Variants in XKR4 observed in about 807,000 individuals in gnomAD.
XKR4 encodes the protein XK related 4.
A neutral mutation model predicts 53.9 loss-of-function variants in XKR4; 12 were observed. The ratio of observed to expected loss-of-function variants is 0.22; its 90% CI spans 0.14 to 0.36. The LOEUF (loss-of-function observed/expected upper bound fraction) is 0.36. Ranked by LOEUF, XKR4 falls within the 10% of genes least tolerant of loss-of-function variation. The pLI is 1.00. For missense variants in XKR4, 799 were observed against 859.5 expected (o/e 0.93, Z 0.88); for synonymous variants, 354 against 362.4 (o/e 0.98, Z 0.26).
chr8:55,118,354 A>G (rs75467986), intron 1 of XKR4, among the ~76,000 whole-genome samples: 3,093 of 152,308 alleles, frequency 0.02, 89 homozygotes, highest in African/African-American at 0.069. Context: ...CTTTGCATAT[A>G]CTAGCAGCAT....
chr8:55,453,689 A>T, intron 2 of XKR4: 1 of 403,650 alleles, frequency 2.5e-6, no homozygotes, highest in East Asian at 6.2e-5. Context: ...CGCCCATCTC[A>T]GGTGGCTGCT....
intron 2 of XKR4, chr8:55,452,412 G>C (rs1805464984): frequency 1.6e-6 from 1 of 627,142 alleles, no homozygotes; most frequent in Admixed American, 2.5e-5. Context: ...GGCGCCCTCA[G>C]CTGGGAGCAG....
intron 2 of XKR4, among the ~76,000 whole-genome samples, chr8:55,488,588 A>T (rs999704257): frequency 6.6e-6 from 1 of 152,230 alleles, no homozygotes; most frequent in Admixed American, 6.5e-5. Flanking sequence ...ATCTGAAAAG[A>T]CTTCATATTG....
chr8:55,524,030 C>T lies in XKR4; in HGVS notation c.1756C>T (p.Arg586Cys), dbSNP rs768398498. 1.1e-5 allele frequency: 18 copies of T among 1,614,040 alleles called. No individual in the cohort carries two copies. Among genetic ancestry groups the T allele is most frequent in the East Asian group, 4.5e-5 (2 of 44,886 alleles). Residue 586 changes from arginine (R) to cysteine (C), a missense_variant, in exon 3 of 3, where the codon CGC becomes TGC. By Grantham distance (180) the Arg-to-Cys change is radical. Coordinates refer to ENST00000327381, the MANE Select transcript of XKR4 (RefSeq NM_052898.2). ...CACTGCCCCATCCACCCCATCATCT[C>T]GCCCACCACGGATTGAAGAATCAGT... ...RPTAPSTPSSRPPRIEESVIK... is the reference protein window; with the variant it reads ...RPTAPSTPSSCPPRIEESVIK...
At chr8:55,427,980 T>C (rs1805041673) in intron 2 of XKR4, among the ~76,000 whole-genome samples, 2 of 152,166 alleles carry the variant, frequency 1.3e-5, no homozygotes, top group African/African-American at 2.4e-5. Context: ...AGATTATCAT[T>C]TGCGTAGTTA....
At chr8:55,198,299 T>C (rs1277701580) in intron 1 of XKR4, among the ~76,000 whole-genome samples, 7 of 152,186 alleles carry the variant, frequency 4.6e-5, no homozygotes, top group African/African-American at 1.4e-4. Context: ...GGGTAACTTG[T>C]AGTGTGACGC....
intron 1 of XKR4, among the ~76,000 whole-genome samples, chr8:55,354,880 A>G (rs1803775654): frequency 6.6e-6 from 1 of 151,886 alleles, no homozygotes; most frequent in African/African-American, 2.4e-5. Flanking sequence ...ACAAAGGATG[A>G]TGGATAGGAC....
intron 1 of XKR4, among the ~76,000 whole-genome samples, chr8:55,163,391 A>G (rs1228589398): frequency 6.6e-6 from 1 of 152,230 alleles, no homozygotes. Flanking sequence ...GTAAATGGCA[A>G]AAGAGGCAGC....
chr8:55,429,892 C>T (rs1289846863), intron 2 of XKR4, among the ~76,000 whole-genome samples: 3 of 152,014 alleles, frequency 2.0e-5, no homozygotes, highest in South Asian at 2.1e-4. Flanking sequence ...ACACATCTGA[C>T]GAATGACTCA....
rs111332094 is a variant in XKR4, at chr8:55,171,985, A to G, written c.806+68691A>G. 2.1e-3 allele frequency among the ~76,000 whole-genome samples: 323 copies of G among 152,216 alleles called. 1 individual carries two copies. Among genetic ancestry groups the G allele is most frequent in the African/African-American group, 7.3e-3 (302 of 41,550 alleles). ...ATTAAAATTCTTCCCTGGCCGAGGC[A>G]GGCAGATCACTTAAGGTCAGGAGTT... On this transcript the variant is annotated intron_variant, in intron 1 of 2. Transcript: ENST00000327381.
chr8:55,302,123 T>C (rs1369869561), intron 1 of XKR4, among the ~76,000 whole-genome samples: 2 of 151,768 alleles, frequency 1.3e-5, no homozygotes, highest in Non-Finnish European at 2.9e-5. Context: ...GTTTTTATGG[T>C]TTTAGGTCTA....
At position 55,527,240 on chromosome 8, in the gene XKR4, T is replaced by C. The variant is rs1301917114; in HGVS notation, c.*3013T>C. On this transcript the variant is annotated 3_prime_UTR_variant, in exon 3 of 3. Coordinates refer to ENST00000327381, the MANE Select transcript of XKR4 (RefSeq NM_052898.2). ...CATTTTTGTATTTATATTTTAATTCTAACATTTCCTTTTCAATCTGCCATT... is the reference window on the plus strand; with the variant it reads ...CATTTTTGTATTTATATTTTAATTCCAACATTTCCTTTTCAATCTGCCATT... 2.6e-4 allele frequency: 40 copies of C among 152,364 alleles called. No homozygotes were observed. Among genetic ancestry groups the C allele is most frequent in the Admixed American group, 2.6e-3 (40 of 15,300 alleles). The allele number at this position is 152,364 out of a possible 1,614,324, so 9.4% of individuals were successfully genotyped here.
chr8:55,439,066 G>T (rs1326376138), intron 2 of XKR4, among the ~76,000 whole-genome samples: 1 of 152,186 alleles, frequency 6.6e-6, no homozygotes, highest in East Asian at 1.9e-4. Context: ...CCTAGACTCT[G>T]AGTACAGAAG....
chr8:55,480,831 C>T (rs1260803773), intron 2 of XKR4, among the ~76,000 whole-genome samples: 2 of 150,518 alleles, frequency 1.3e-5, no homozygotes, highest in East Asian at 1.9e-4. Context: ...CCTAGGAATC[C>T]AACTTACAAG....
At chr8:55,161,911 T>C (rs1230957213) in intron 1 of XKR4, among the ~76,000 whole-genome samples, 1 of 152,238 alleles carries the variant, frequency 6.6e-6, no homozygotes, top group Non-Finnish European at 1.5e-5. Context: ...AACTGGCCTG[T>C]GCATTTTCTG....
intron 1 of XKR4, among the ~76,000 whole-genome samples, chr8:55,207,463 G>A (rs1007229479): frequency 1.1e-4 from 17 of 152,106 alleles, no homozygotes; most frequent in African/African-American, 3.9e-4. Context: ...TGTGTACTGG[G>A]CTTTCTTTTA....
intron 1 of XKR4, among the ~76,000 whole-genome samples, chr8:55,292,304 A>G (rs1389941190): frequency 6.6e-6 from 1 of 152,128 alleles, no homozygotes; most frequent in African/African-American, 2.4e-5. Context: ...TTGCGGGGAG[A>G]GTCTTTAAAT....
intron 2 of XKR4, among the ~76,000 whole-genome samples, chr8:55,493,940 G>A (rs1237609964): frequency 1.3e-5 from 2 of 152,198 alleles, no homozygotes; most frequent in Non-Finnish European, 2.9e-5. Context: ...GGATTTTTGG[G>A]GTGTCACTTC....
intron 2 of XKR4, among the ~76,000 whole-genome samples, chr8:55,505,762 T>C (rs1806517766): frequency 6.6e-6 from 1 of 152,222 alleles, no homozygotes; most frequent in Non-Finnish European, 1.5e-5. Context: ...ATGTTGCATG[T>C]GTGCTTAAGA....
Sources: gnomAD v4.1 joint callset for allele counts (sites outside exome capture counted in the v4.1 genomes callset) on GRCh38, gnomAD v4.1.1 for gene constraint, MANE v1.5 for transcripts, NCBI Gene and HGNC (gene_info 2026-07-23, HGNC 2026-07-21) for gene names.